The following ANKS1B variants were observed in gnomAD, a reference collection of about 807,000 sequenced individuals.
ANKS1B encodes ankyrin repeat and sterile alpha motif domain-containing protein 1B.
A neutral mutation model predicts 148.3 loss-of-function variants in ANKS1B; 36 were observed. The ratio of observed to expected loss-of-function variants is 0.24; its 90% CI spans 0.19 to 0.32. ANKS1B has a LOEUF of 0.32. Among genes scored for constraint, ANKS1B ranks in the 10% least tolerant of loss-of-function variants. The pLI, the probability that ANKS1B is intolerant of heterozygous loss-of-function variation, is 1.00. For missense variants in ANKS1B, 1,157 were observed against 1,542.6 expected (o/e 0.75, Z 4.19); for synonymous variants, 542 against 560.8 (o/e 0.97, Z 0.47).
chr12:99,878,439 G>A (rs935531030), intron 1 of ANKS1B, among the ~76,000 whole-genome samples: 72 of 152,168 alleles, frequency 4.7e-4, no homozygotes, highest in Non-Finnish European at 6.8e-4. Flanking sequence ...GCTTTGGTGT[G>A]CGTCTTTTCA....
At chr12:99,188,283 C>T (rs956369731) in intron 14 of ANKS1B, among the ~76,000 whole-genome samples, 1 of 152,140 alleles carries the variant, frequency 6.6e-6, no homozygotes, top group South Asian at 2.1e-4. Context: ...TTAGACAGAT[C>T]AATGAGACGG....
intron 14 of ANKS1B, among the ~76,000 whole-genome samples, chr12:99,226,885 T>G (rs972321587): frequency 6.6e-6 from 1 of 152,228 alleles, no homozygotes; most frequent in African/African-American, 2.4e-5. Flanking sequence ...AAAAAGGTTT[T>G]TCTTTTATAG....
At position 99,186,343 on chromosome 12, in the gene ANKS1B, C is replaced by A. The variant is rs12305057; in HGVS notation, c.2420-31948G>T. Among the ~76,000 whole-genome samples the A allele has an allele frequency of 5.2e-3, 791 of 152,280 alleles. 6 individuals carry two copies. The highest frequency in any genetic ancestry group is 0.018 in the African/African-American group (734 of 41,564). On this transcript the variant is annotated intron_variant, in intron 14 of 26. Transcript: ENST00000683438. Reference sequence around the variant, plus strand: ...AGACATAAATGTTCCTGCCTGCCAGCGCTGAAGAGAGCAGCAGATCTCCCG... The same window carrying A: ...AGACATAAATGTTCCTGCCTGCCAGAGCTGAAGAGAGCAGCAGATCTCCCG...
In ANKS1B at chr12:98,801,999, C is replaced by G. The variant is rs531358491; in HGVS notation, c.3142-874G>C. Among the ~76,000 whole-genome samples, 9 of 152,310 alleles carry G rather than the reference C, an allele frequency of 5.9e-5. No homozygotes were observed. Among genetic ancestry groups the G allele is most frequent in the African/African-American group, 2.2e-4 (9 of 41,566 alleles). ...AGTGTTGGCAGGTATTTTCTGGGCT[C>G]TACTCTGATTTACATACTACGCATG... is the stretch of plus-strand genomic sequence containing the variant. On this transcript the variant is annotated intron_variant, in intron 20 of 26. Transcript: ENST00000683438. The surrounding 1 kb of genome is among the most constrained non-coding windows in gnomAD (Gnocchi z 5.2).
At chr12:99,154,817 T>C in intron 14 of ANKS1B, 1 of 1,508,978 alleles carries the variant, frequency 6.6e-7, no homozygotes, top group South Asian at 1.3e-5. Context: ...CACTCATCAG[T>C]ATGCAGCTCC....
At position 99,840,732 on chromosome 12, in the gene ANKS1B, G is replaced by A. The variant is rs192041609; in HGVS notation, c.135-15343C>T. Among the ~76,000 whole-genome samples, 451 of 152,246 alleles carry A rather than the reference G, an allele frequency of 3.0e-3. 2 individuals carry two copies. Among genetic ancestry groups the A allele is most frequent in the Middle Eastern group, 6.8e-3 (2 of 294 alleles). On this transcript the variant is annotated intron_variant, in intron 1 of 26. Coordinates refer to ENST00000683438, the MANE Select transcript of ANKS1B (RefSeq NM_001352186.2). ...TATTAATTTGGATAAGTTTGCAGAA[G>A]AGGTTCTCTATTATTTTTAGGTATA... is the stretch of plus-strand genomic sequence containing the variant.
At chr12:98,927,523 G>A (rs2099809807) in intron 17 of ANKS1B, among the ~76,000 whole-genome samples, 1 of 151,964 alleles carries the variant, frequency 6.6e-6, no homozygotes, top group Admixed American at 6.6e-5. Context: ...ATGACAAGCT[G>A]TTTGATAGGC....
intron 9 of ANKS1B, among the ~76,000 whole-genome samples, chr12:99,572,155 G>C (rs1049429186): frequency 1.3e-5 from 2 of 151,988 alleles, no homozygotes; most frequent in African/African-American, 2.4e-5. Context: ...CTGTAAGATG[G>C]AGGTCCCTTA....
intron 1 of ANKS1B, among the ~76,000 whole-genome samples, chr12:99,888,589 T>C (rs531256445): frequency 2.0e-5 from 3 of 152,208 alleles, no homozygotes; most frequent in South Asian, 2.1e-4. Flanking sequence ...TGCATAGAAA[T>C]ATGTAGGCAA....
At chr12:99,296,583 C>A (rs1388955999) in intron 12 of ANKS1B, among the ~76,000 whole-genome samples, 2 of 152,180 alleles carry the variant, frequency 1.3e-5, no homozygotes, top group Non-Finnish European at 1.5e-5. Context: ...TATCCCTCAT[C>A]TCTTTATATC....
chr12:99,528,204 C>T (rs929481301), intron 9 of ANKS1B, among the ~76,000 whole-genome samples: 1 of 151,960 alleles, frequency 6.6e-6, no homozygotes, highest in African/African-American at 2.4e-5. Flanking sequence ...CTTCCTTACA[C>T]CATATACAAA....
At chr12:99,563,098 T>C (rs2097353997) in intron 9 of ANKS1B, among the ~76,000 whole-genome samples, 1 of 152,208 alleles carries the variant, frequency 6.6e-6, no homozygotes, top group South Asian at 2.1e-4. Context: ...GCTTTTGGCT[T>C]AAGAGAATAT....
At chr12:99,252,426 G>A (rs188960902) in intron 12 of ANKS1B, among the ~76,000 whole-genome samples, 2 of 152,232 alleles carry the variant, frequency 1.3e-5, no homozygotes, top group South Asian at 2.1e-4. Context: ...AACAAGACAC[G>A]GGGATAGTAA....
chr12:99,870,102 C>G (rs1390137129), intron 1 of ANKS1B, among the ~76,000 whole-genome samples: 1 of 152,180 alleles, frequency 6.6e-6, no homozygotes, highest in Non-Finnish European at 1.5e-5. Flanking sequence ...CGTCACTCCC[C>G]TTTCTAGTAG....
At position 99,979,074 on chromosome 12, in the gene ANKS1B, G is replaced by GA. The variant is rs1555273639; in HGVS notation, c.134+5029_134+5030insT. Among the ~76,000 whole-genome samples the GA allele has an allele frequency of 9.1e-3, 1,378 of 151,154 alleles. 24 individuals carry two copies. Among genetic ancestry groups the GA allele is most frequent in the African/African-American group, 0.031 (1,286 of 41,246 alleles). On this transcript the variant is annotated intron_variant, in intron 1 of 26. Transcript: ENST00000683438. ...AGGTAGTTGTGCCAAAGGAAGAGAG[G>GA]TTTTTTTTTAAGATTTTGCAGCTGT...
chr12:99,196,046 A>G (rs539248561), intron 14 of ANKS1B, among the ~76,000 whole-genome samples: 104 of 152,296 alleles, frequency 6.8e-4, no homozygotes, highest in Middle Eastern at 6.8e-3. Flanking sequence ...TATGATATTA[A>G]GTAATAAATG....
chr12:99,319,079 T>A (rs2154030316), intron 12 of ANKS1B, among the ~76,000 whole-genome samples: 1 of 152,212 alleles, frequency 6.6e-6, no homozygotes, highest in South Asian at 2.1e-4. Context: ...TGCTGAGGAG[T>A]GCTTTACTTC....
At chr12:98,820,234 G>C (rs961394936) in intron 19 of ANKS1B, among the ~76,000 whole-genome samples, 1 of 152,236 alleles carries the variant, frequency 6.6e-6, no homozygotes, top group African/African-American at 2.4e-5. Context: ...AAGCTAGGCT[G>C]CTGGCATTGG....
intron 9 of ANKS1B, among the ~76,000 whole-genome samples, chr12:99,587,656 C>T (rs2097656407): frequency 6.6e-6 from 1 of 152,126 alleles, no homozygotes; most frequent in Non-Finnish European, 1.5e-5. Flanking sequence ...TGTGTTCTCA[C>T]TTCATAAGGG....
Sources: gnomAD v4.1 joint callset for allele counts (sites outside exome capture counted in the v4.1 genomes callset) on GRCh38, gnomAD v4.1.1 for gene constraint, Gnocchi (gnomAD v3.1) non-coding constraint, MANE v1.5 for transcripts, NCBI Gene and HGNC (gene_info 2026-07-23, HGNC 2026-07-21) for gene names.